Variants in IAH1 observed in about 807,000 individuals in gnomAD.
IAH1 encodes the protein isoamyl acetate-hydrolyzing esterase 1 homolog.
IAH1 carries 24 observed loss-of-function variants against 26.7 expected under a neutral mutation model. That is an observed-to-expected ratio of 0.90 (90% CI 0.65 to 1.26). The LOEUF (loss-of-function observed/expected upper bound fraction) is 1.26. IAH1 is among the 50% of genes most tolerant of loss of function. IAH1 has a pLI of 0.00. For synonymous variants in IAH1, 140 were observed against 118.5 expected (o/e 1.18, Z -1.18); for missense variants, 300 against 299.9 (o/e 1.00, Z 0.00).
the IAH1 span, among the ~76,000 whole-genome samples, chr2:9,510,640 G>A: frequency 6.6e-6 from 1 of 151,728 alleles, no homozygotes; most frequent in Non-Finnish European, 1.5e-5. Context: ...CTCCAGCCTG[G>A]GAGACAGGGC....
At chr2:9,493,911 T>A, downstream of IAH1, 1 of 1,128,086 alleles carries the variant, frequency 8.9e-7, no homozygotes, top group Non-Finnish European at 1.3e-6. Flanking sequence ...AACTGACATG[T>A]AAAGGGCTTC....
intron 1 of IAH1, chr2:9,475,253 CTG>C (rs1373916673): frequency 1.6e-6 from 2 of 1,227,780 alleles, no homozygotes; most frequent in African/African-American, 1.5e-5. Context: ...AATTCCATTC[CTG>C]TGTGTGTCCT....
downstream of IAH1, among the ~76,000 whole-genome samples, chr2:9,500,775 A>G (rs139397107): frequency 1.7e-3 from 256 of 152,360 alleles, 1 homozygote; most frequent in African/African-American, 6.0e-3. Context: ...AGATGTAGAG[A>G]TATGTCCGTT....
chr2:9,476,446 TTGGTTTTTGG>T, intron 2 of IAH1, among the ~76,000 whole-genome samples: 1 of 152,312 alleles, frequency 6.6e-6, no homozygotes, highest in East Asian at 1.9e-4. Context: ...GCACTTTGTT[TTGGTTTTTGG>T]TGGTTTTTGT....
rs1223812890 is a variant in IAH1, at chr2:9,488,454, G to A, written c.*125G>A. On this transcript the variant is annotated 3_prime_UTR_variant, in exon 6 of 6. Coordinates refer to ENST00000497473, the MANE Select transcript of IAH1 (RefSeq NM_001039613.3). ...GATATTAATAATAAAAGTATTAGAT[G>A]ATTTTTCAGGGAAGTTTTATACTTA... is the stretch of plus-strand genomic sequence containing the variant. The A allele has an allele frequency of 8.7e-6, 6 of 686,056 alleles. No individual in the cohort carries two copies. The highest frequency in any genetic ancestry group is 7.8e-5 in the South Asian group (3 of 38,336). 42.5% of individuals were successfully genotyped at this position (686,056 alleles called of 1,614,324 possible).
chr2:9,482,013 T>C (rs1661202500), intron 4 of IAH1, among the ~76,000 whole-genome samples: 1 of 150,832 alleles, frequency 6.6e-6, no homozygotes, highest in Admixed American at 6.6e-5. Flanking sequence ...ATGTTGAAAA[T>C]GTGCATTATG....
intron 4 of IAH1, 55 bp from the exon 5 acceptor site, chr2:9,484,377 C>G: frequency 7.5e-7 from 1 of 1,335,192 alleles, no homozygotes; most frequent in Non-Finnish European, 1.1e-6. Flanking sequence ...AGAACTTACA[C>G]AAGGGCCAGC....
chr2:9,480,675 C>T (rs1412748725), intron 3 of IAH1, among the ~76,000 whole-genome samples: 1 of 152,158 alleles, frequency 6.6e-6, no homozygotes, highest in Non-Finnish European at 1.5e-5. Flanking sequence ...TTCCTTTATA[C>T]TGTACTTACA....
intron 1 of IAH1, chr2:9,475,280 C>A: frequency 9.1e-7 from 1 of 1,097,662 alleles, no homozygotes; most frequent in Non-Finnish European, 1.2e-6. Flanking sequence ...TCAGACAGGA[C>A]TTGCTTCACC....
chr2:9,474,933 C>G lies in IAH1; in HGVS notation c.81+286C>G. ...GCCCCGCGCCGCCTCCCACCCGGGT[C>G]GAGATGCGCGGTCTTCCCCTCAGCG... On this transcript the variant is annotated intron_variant, in intron 1 of 5. Coordinates refer to ENST00000497473, the MANE Select transcript of IAH1 (RefSeq NM_001039613.3). This position sits in a 1 kb window ranked among gnomAD's most constrained non-coding sequence, Gnocchi z 4.3. 1.2e-6 allele frequency: 1 copy of G among 850,634 alleles called. No individual in the cohort carries two copies. Among genetic ancestry groups the G allele is most frequent in the Non-Finnish European group, 1.5e-6 (1 of 676,712 alleles). The allele number at this position is 850,634 out of a possible 1,614,324, so 52.7% of individuals were successfully genotyped here. A position where few individuals can be genotyped will look rare whatever the true frequency, so the allele number is the denominator to read the frequency against.
downstream of IAH1, chr2:9,492,928 C>A: frequency 1.2e-6 from 2 of 1,612,696 alleles, no homozygotes; most frequent in Non-Finnish European, 1.7e-6. Flanking sequence ...TGAAAGGAAT[C>A]CAAAATATCA....
intron 3 of IAH1, among the ~76,000 whole-genome samples, chr2:9,478,803 G>T (rs1186766344): frequency 2.6e-5 from 4 of 152,196 alleles, no homozygotes; most frequent in Non-Finnish European, 5.9e-5. Flanking sequence ...GTGAACGTGG[G>T]TTTGGAAAAG....
At chr2:9,480,865 C>T (rs1661128788) in intron 3 of IAH1, 1 of 158,978 alleles carries the variant, frequency 6.3e-6, no homozygotes, top group Admixed American at 6.2e-5. Context: ...ATTTTCAGTC[C>T]TAGGAGGGAG....
the IAH1 span, among the ~76,000 whole-genome samples, chr2:9,504,193 T>C: frequency 4.0e-5 from 6 of 151,850 alleles, no homozygotes; most frequent in Non-Finnish European, 8.8e-5. Context: ...CCCTCTGTAA[T>C]CCCAGCACTT....
chr2:9,484,338 C>A, intron 4 of IAH1, 94 bp from the exon 5 acceptor site: 1 of 974,792 alleles, frequency 1.0e-6, no homozygotes, highest in African/African-American at 1.6e-5. Context: ...TATTTAATGG[C>A]ATTTTGAAAC....
At chr2:9,503,969 A>C in the IAH1 span, among the ~76,000 whole-genome samples, 2 of 152,144 alleles carry the variant, frequency 1.3e-5, no homozygotes, top group Non-Finnish European at 2.9e-5. Flanking sequence ...CTTGGGCAAC[A>C]TGGCAAAACC....
At position 9,488,456 on chromosome 2, in the gene IAH1, T is replaced by C; in HGVS notation, c.*127T>C. Reference sequence around the variant, plus strand: ...TATTAATAATAAAAGTATTAGATGATTTTTCAGGGAAGTTTTATACTTAGG... The same window carrying C: ...TATTAATAATAAAAGTATTAGATGACTTTTCAGGGAAGTTTTATACTTAGG... On this transcript the variant is annotated 3_prime_UTR_variant, in exon 6 of 6. Transcript: ENST00000497473. The C allele has an allele frequency of 1.5e-6, 1 of 682,482 alleles. No homozygotes were observed. Among genetic ancestry groups the C allele is most frequent in the Non-Finnish European group, 2.3e-6 (1 of 436,260 alleles). 42.3% of individuals were successfully genotyped at this position (682,482 alleles called of 1,614,324 possible). A position where few individuals can be genotyped will look rare whatever the true frequency, so the allele number is the denominator to read the frequency against.
downstream of IAH1, among the ~76,000 whole-genome samples, chr2:9,500,822 A>C (rs1351695667): frequency 6.6e-6 from 1 of 152,196 alleles, no homozygotes; most frequent in African/African-American, 2.4e-5. Context: ...GAAATTTTTA[A>C]AGCAACAATT....
intron 1 of IAH1, chr2:9,475,228 C>T (rs1457986733): frequency 7.0e-6 from 9 of 1,285,118 alleles, no homozygotes; most frequent in Non-Finnish European, 9.1e-6. Context: ...GTTCTTACTT[C>T]GGGGAGGGAG....
Sources: gnomAD v4.1 joint callset for allele counts (sites outside exome capture counted in the v4.1 genomes callset) on GRCh38, gnomAD v4.1.1 for gene constraint, Gnocchi (gnomAD v3.1) non-coding constraint, MANE v1.5 for transcripts, NCBI Gene and HGNC (gene_info 2026-07-23, HGNC 2026-07-21) for gene names.